GRM7: variants seen among roughly 807,000 people sequenced by gnomAD.
The protein encoded by GRM7 is metabotropic glutamate receptor 7.
In GRM7, 35 loss-of-function variants were observed where a neutral mutation model predicts 84.5. The ratio of observed to expected loss-of-function variants is 0.41; its 90% CI spans 0.32 to 0.55. The LOEUF is 0.55. Among genes scored for constraint, GRM7 ranks in the 20% least tolerant of loss-of-function variants. GRM7 has a pLI of 0.19. For missense variants in GRM7, 1,003 were observed against 1,194.6 expected (o/e 0.84, Z 2.36); for synonymous variants, 487 against 455.1 (o/e 1.07, Z -0.89).
intron 4 of GRM7, among the ~76,000 whole-genome samples, chr3:7,374,689 C>A (rs1412552174): frequency 1.3e-5 from 2 of 149,020 alleles, no homozygotes; most frequent in Admixed American, 1.3e-4. Flanking sequence ...CAGGGTTTCA[C>A]CATGTTGGCC....
rs1177007693 is a variant in GRM7, at chr3:7,133,818, G to A, written c.520-12634G>A. 2.0e-5 allele frequency among the ~76,000 whole-genome samples: 3 copies of A among 152,082 alleles called. No homozygotes were observed. The South Asian group carries it at 6.2e-4, about 32-fold the overall frequency. On this transcript the variant is annotated intron_variant, in intron 1 of 9. Transcript: ENST00000357716. ...ATTAAGATTAGGAAGGAGGCGGAGAGGTCATAAAAATTATATTTCTCCTTT... is the reference window on the plus strand; with the variant it reads ...ATTAAGATTAGGAAGGAGGCGGAGAAGTCATAAAAATTATATTTCTCCTTT...
intron 1 of GRM7, among the ~76,000 whole-genome samples, chr3:7,017,005 A>G (rs4686110): frequency 0.41 from 62,421 of 152,104 alleles, 13,640 homozygotes; most frequent in South Asian, 0.58. Flanking sequence ...GCCGCACTCC[A>G]GGCCTCTTGA....
chr3:6,989,697 G>A (rs1205813817), intron 1 of GRM7, among the ~76,000 whole-genome samples: 1 of 152,180 alleles, frequency 6.6e-6, no homozygotes, highest in Non-Finnish European at 1.5e-5. Flanking sequence ...ACAACCTTTA[G>A]GTCCAAAGAG....
At chr3:7,731,918 T>C (rs1347726204) in intron 9 of GRM7, among the ~76,000 whole-genome samples, 1 of 152,136 alleles carries the variant, frequency 6.6e-6, no homozygotes, top group Non-Finnish European at 1.5e-5. Context: ...GCAGCAAGCA[T>C]CTGTTACCTG....
At chr3:7,274,482 G>A (rs1035084974) in intron 2 of GRM7, among the ~76,000 whole-genome samples, 6 of 151,972 alleles carry the variant, frequency 3.9e-5, no homozygotes, top group African/African-American at 1.4e-4. Context: ...ATCTGAGAAA[G>A]TCTTCATTTG....
chr3:7,008,299 T>C (rs933690997), intron 1 of GRM7, among the ~76,000 whole-genome samples: 3 of 152,208 alleles, frequency 2.0e-5, no homozygotes, highest in Admixed American at 1.3e-4. Context: ...AAGAATGGCC[T>C]ATTTAGTTTG....
chr3:7,008,195 T>C (rs1374681296), intron 1 of GRM7, among the ~76,000 whole-genome samples: 1 of 152,136 alleles, frequency 6.6e-6, no homozygotes, highest in South Asian at 2.1e-4. Flanking sequence ...ATTTTCTCAT[T>C]GTGTCAATGC....
chr3:7,401,820 C>T (rs1695464504), intron 4 of GRM7, among the ~76,000 whole-genome samples: 1 of 152,070 alleles, frequency 6.6e-6, no homozygotes, highest in Admixed American at 6.6e-5. Context: ...AGAACAGGAT[C>T]CATATCTGAC....
intron 7 of GRM7, among the ~76,000 whole-genome samples, chr3:7,562,954 C>A (rs1283144402): frequency 1.3e-5 from 2 of 151,438 alleles, no homozygotes; most frequent in African/African-American, 4.8e-5. Context: ...CAGTTTCTAT[C>A]CTTTAGTTCA....
chr3:7,533,508 G>T (rs1479585345), intron 7 of GRM7, among the ~76,000 whole-genome samples: 1 of 152,192 alleles, frequency 6.6e-6, no homozygotes, highest in South Asian at 2.1e-4. Context: ...GTGTTTAGAG[G>T]ATGTTAGGTG....
intron 2 of GRM7, among the ~76,000 whole-genome samples, chr3:7,213,877 G>C (rs977314997): frequency 9.2e-5 from 14 of 152,026 alleles, no homozygotes; most frequent in African/African-American, 2.7e-4. Flanking sequence ...AGGGGATCTG[G>C]GCAGCTCACT....
At chr3:7,340,914 T>C (rs1316531910) in intron 4 of GRM7, among the ~76,000 whole-genome samples, 1 of 152,066 alleles carries the variant, frequency 6.6e-6, no homozygotes, top group East Asian at 1.9e-4. Context: ...GAACTGGTAG[T>C]GAGGGCTGGT....
chr3:7,242,129 G>C (rs189074056), intron 2 of GRM7, among the ~76,000 whole-genome samples: 2 of 152,098 alleles, frequency 1.3e-5, no homozygotes, highest in Admixed American at 1.3e-4. Context: ...ATTCCCTGCA[G>C]GATATATCTA....
At chr3:7,470,839 C>A (rs9883696) in intron 7 of GRM7, among the ~76,000 whole-genome samples, 5,429 of 152,098 alleles carry the variant, frequency 0.036, 322 homozygotes, top group African/African-American at 0.12. Context: ...AATGTACGAT[C>A]TGCCTAACTT....
chr3:7,447,255 C>G (rs1048656166), intron 5 of GRM7, among the ~76,000 whole-genome samples: 11 of 151,950 alleles, frequency 7.2e-5, no homozygotes, highest in African/African-American at 2.4e-4. Context: ...AAAGAACGTC[C>G]TGTTAATGAA....
chr3:7,251,264 T>G (rs532141682), intron 2 of GRM7, among the ~76,000 whole-genome samples: 1 of 152,108 alleles, frequency 6.6e-6, no homozygotes, highest in East Asian at 1.9e-4. Context: ...ATTTTAATGC[T>G]TTCAATGCAG....
chr3:6,993,306 G>A (rs915885289), intron 1 of GRM7, among the ~76,000 whole-genome samples: 6 of 152,154 alleles, frequency 3.9e-5, no homozygotes, highest in African/African-American at 1.4e-4. Flanking sequence ...TTTGGGTGGG[G>A]ACACAGCCAA....
intron 1 of GRM7, among the ~76,000 whole-genome samples, chr3:6,877,698 G>A (rs1559300982): frequency 1.3e-5 from 2 of 151,834 alleles, no homozygotes; most frequent in Admixed American, 6.6e-5. Context: ...ATAATTCATC[G>A]GGAAGAAAAT....
chr3:6,906,366 G>A (rs969118180), intron 1 of GRM7, among the ~76,000 whole-genome samples: 2 of 151,654 alleles, frequency 1.3e-5, no homozygotes, highest in Non-Finnish European at 2.9e-5. Context: ...GCAGGAGGGG[G>A]GATTATGCCA....
Sources: allele counts gnomAD v4.1 joint callset (sites outside exome capture counted in the v4.1 genomes callset), GRCh38; gene constraint gnomAD v4.1.1; transcripts MANE v1.5; gene names NCBI Gene and HGNC (gene_info 2026-07-23, HGNC 2026-07-21).